RAB20: variants seen among roughly 807,000 people sequenced by gnomAD.
RAB20 encodes the protein ras-related protein Rab-20.
A neutral mutation model predicts 3.7 loss-of-function variants in RAB20; 2 were observed. The ratio of observed to expected loss-of-function variants is 0.54; its 90% CI spans 0.22 to 1.69. RAB20 has a LOEUF of 1.69. RAB20 is among the 40% of genes most tolerant of loss of function. The pLI is 0.19. For missense variants in RAB20, 276 were observed against 311.9 expected (o/e 0.88, Z 0.87); for synonymous variants, 126 against 130.8 (o/e 0.96, Z 0.25).
intron 1 of RAB20, among the ~76,000 whole-genome samples, chr13:110,554,652 G>T (rs982030743): frequency 6.6e-6 from 1 of 152,156 alleles, no homozygotes; most frequent in Non-Finnish European, 1.5e-5. Flanking sequence ...ATCCTCTCCT[G>T]GGCTGCACTG....
Position 110,524,158 on chromosome 13 carries a change from C to G in RAB20, c.212G>C (p.Arg71Pro). 2 of 1,605,068 alleles carry G rather than the reference C, an allele frequency of 1.2e-6. No individual in the cohort carries two copies. Among genetic ancestry groups the G allele is most frequent in the Non-Finnish European group, 1.7e-6 (2 of 1,179,396 alleles). Residue 71 changes from arginine (R) to proline (P), a missense_variant, in exon 2 of 2, where the codon CGG becomes CCG. Coordinates refer to ENST00000267328, the MANE Select transcript of RAB20 (RefSeq NM_017817.3). Reference protein sequence around the residue: ...QFHGLGSMYCRGAAAIILTYD... With the variant: ...QFHGLGSMYCPGAAAIILTYD... ...GGTGAGGATGATGGCGGCCGCCCCCCGGCAGTACATGGAGCCCAGGCCGTG... is the reference window on the plus strand; with the variant it reads ...GGTGAGGATGATGGCGGCCGCCCCCGGGCAGTACATGGAGCCCAGGCCGTG...
intron 1 of RAB20, among the ~76,000 whole-genome samples, chr13:110,551,524 A>T (rs1019273166): frequency 1.8e-4 from 28 of 152,136 alleles, no homozygotes; most frequent in Admixed American, 2.0e-4. Flanking sequence ...GCCTGGCAGA[A>T]AGACCCCTCA....
intron 1 of RAB20, among the ~76,000 whole-genome samples, chr13:110,527,902 C>A (rs1273110243): frequency 7.4e-5 from 1 of 13,476 alleles, no homozygotes; most frequent in Admixed American, 1.0e-3. Context: ...TCTACAAATA[C>A]ACACACACAC....
At chr13:110,535,349 A>G (rs1884622013) in intron 1 of RAB20, among the ~76,000 whole-genome samples, 1 of 152,172 alleles carries the variant, frequency 6.6e-6, no homozygotes, top group Non-Finnish European at 1.5e-5. Flanking sequence ...CACCAGGTAC[A>G]GTTCCTGGAC....
intron 1 of RAB20, among the ~76,000 whole-genome samples, chr13:110,553,067 C>G (rs1028184676): frequency 6.6e-6 from 1 of 152,246 alleles, no homozygotes; most frequent in African/African-American, 2.4e-5. Flanking sequence ...TACCCACATT[C>G]ATATTCAGGC....
At chr13:110,560,451 G>GTAATA (rs1885110727) in intron 1 of RAB20, among the ~76,000 whole-genome samples, 2 of 152,126 alleles carry the variant, frequency 1.3e-5, no homozygotes, top group African/African-American at 2.4e-5. Flanking sequence ...TCTGGACGGG[G>GTAATA]CCTTTGGGTA....
At chr13:110,543,687 C>T (rs1884803721) in intron 1 of RAB20, among the ~76,000 whole-genome samples, 1 of 151,950 alleles carries the variant, frequency 6.6e-6, no homozygotes, top group African/African-American at 2.4e-5. Context: ...ATTAGCCAGA[C>T]CAATACTGCA....
intron 1 of RAB20, among the ~76,000 whole-genome samples, chr13:110,524,439 T>C (rs1268156416): frequency 1.3e-5 from 2 of 151,966 alleles, no homozygotes; most frequent in Admixed American, 6.6e-5. Flanking sequence ...AATCCAAGAA[T>C]GTTCAGGAAG....
At chr13:110,557,190 T>C (rs1384465363) in intron 1 of RAB20, among the ~76,000 whole-genome samples, 1 of 152,168 alleles carries the variant, frequency 6.6e-6, no homozygotes, top group Non-Finnish European at 1.5e-5. Flanking sequence ...GGAGGGAGGA[T>C]GTGGTGCCAG....
At position 110,561,648 on chromosome 13, in the gene RAB20, C is replaced by A; in HGVS notation, c.-129G>T. 2.1e-6 allele frequency: 3 copies of A among 1,404,898 alleles called. No homozygotes were observed. Among genetic ancestry groups the A allele is most frequent in the Admixed American group, 6.4e-5 (2 of 31,414 alleles). The allele number at this position is 1,404,898 out of a possible 1,614,324, so 87.0% of individuals were successfully genotyped here. ...CCGGATTCTCGTGAACGCTCCGGGA[C>A]CTTCGCCTCCGGACGCCCGGGAGCT... On this transcript the variant is annotated 5_prime_UTR_variant, in exon 1 of 2. Transcript: ENST00000267328.
intron 1 of RAB20, among the ~76,000 whole-genome samples, chr13:110,546,518 G>A (rs904371897): frequency 2.6e-5 from 4 of 152,144 alleles, no homozygotes; most frequent in African/African-American, 9.7e-5. Context: ...TCACACATGA[G>A]TCTTCCATTT....
chr13:110,542,487 C>T (rs959426072), intron 1 of RAB20, among the ~76,000 whole-genome samples: 1 of 152,304 alleles, frequency 6.6e-6, no homozygotes, highest in African/African-American at 2.4e-5. Context: ...AATTCCCTCT[C>T]CCCACCCACC....
intron 1 of RAB20, among the ~76,000 whole-genome samples, chr13:110,554,870 G>A (rs1186075835): frequency 2.6e-5 from 4 of 152,076 alleles, no homozygotes; most frequent in Non-Finnish European, 4.4e-5. Context: ...CTTGCATTTC[G>A]GCTTGGGAGG....
At chr13:110,552,941 C>A (rs1884981384) in intron 1 of RAB20, among the ~76,000 whole-genome samples, 2 of 152,182 alleles carry the variant, frequency 1.3e-5, no homozygotes, top group South Asian at 4.1e-4. Flanking sequence ...GCCGAGCCTC[C>A]CAGCGCACAC....
chr13:110,552,599 A>G (rs560717027), intron 1 of RAB20, among the ~76,000 whole-genome samples: 2 of 151,612 alleles, frequency 1.3e-5, no homozygotes, highest in South Asian at 4.2e-4. Flanking sequence ...AGGCTGAGGC[A>G]GGAGAATGGC....
rs998646128 is a variant in RAB20, at chr13:110,561,615, G to C, written c.-96C>G. The C allele has an allele frequency of 7.4e-6, 11 of 1,480,116 alleles. No individual in the cohort carries two copies. The African/African-American group carries it at 1.2e-4, about 16-fold the overall frequency. 91.7% of individuals were successfully genotyped at this position (1,480,116 alleles called of 1,614,324 possible). ...AGCTGGAGGAGCGGACCCCGGACTC[G>C]CCGGGACCCGGATTCTCGTGAACGC... On this transcript the variant is annotated 5_prime_UTR_variant, in exon 1 of 2. Transcript: ENST00000267328.
chr13:110,536,977 T>G (rs1884656834), intron 1 of RAB20, among the ~76,000 whole-genome samples: 4 of 93,492 alleles, frequency 4.3e-5, no homozygotes, highest in African/African-American at 5.4e-5. Context: ...CCCCTTCCTG[T>G]GTCCAAGTGT....
In RAB20 at chr13:110,524,005, G is replaced by T; in HGVS notation, c.365C>A (p.Ala122Asp). ...GNKVDLTEEGALAGQEKEECS... is the reference protein window; with the variant it reads ...GNKVDLTEEGDLAGQEKEECS... ...CTCTTCCTTCTCCTGGCCCGCCAAG[G>T]CCCCCTCCTCAGTGAGGTCCACTTT... Residue 122 changes from alanine to aspartate, a missense_variant, in exon 2 of 2, where the codon GCC (alanine) becomes GAC (aspartate). Transcript: ENST00000267328. 1 of 1,614,110 alleles carries T rather than the reference G, an allele frequency of 6.2e-7. No individual in the cohort carries two copies. Among genetic ancestry groups the T allele is most frequent in the Non-Finnish European group, 8.5e-7 (1 of 1,180,026 alleles).
At chr13:110,541,004 G>A (rs76216780) in intron 1 of RAB20, among the ~76,000 whole-genome samples, 3,963 of 152,270 alleles carry the variant, frequency 0.026, 181 homozygotes, top group African/African-American at 0.091. Context: ...TACAGAATCT[G>A]GCTCAGGAGG....
Sources: gnomAD v4.1 joint callset for allele counts (sites outside exome capture counted in the v4.1 genomes callset) on GRCh38, gnomAD v4.1.1 for gene constraint, MANE v1.5 for transcripts, NCBI Gene and HGNC (gene_info 2026-07-23, HGNC 2026-07-21) for gene names.